Variants in KATNBL1 observed in about 807,000 individuals in gnomAD.
KATNBL1 encodes katanin regulatory subunit B1 like 1, also known as KATNB1-like protein 1.
KATNBL1 carries 28 observed loss-of-function variants against 44.7 expected under a neutral mutation model. The observed-to-expected ratio is 0.63, with a 90% CI of 0.46 to 0.86. The LOEUF (loss-of-function observed/expected upper bound fraction) is 0.86. KATNBL1 is among the 40% of genes least tolerant of loss of function. KATNBL1 has a pLI of 0.00. For missense variants in KATNBL1, 272 were observed against 350.7 expected (o/e 0.78, Z 1.79); for synonymous variants, 78 against 114.9 (o/e 0.68, Z 2.06).
chr15:34,186,335 G>T (rs963220685), intron 1 of KATNBL1, among the ~76,000 whole-genome samples: 18 of 152,202 alleles, frequency 1.2e-4, no homozygotes, highest in African/African-American at 3.9e-4. Context: ...TGCAGTTGTA[G>T]ACCCAGGTCT....
At chr15:34,209,828 C>G (rs928254248) in intron 1 of KATNBL1, 123 bp downstream of exon 1, 10 of 149,710 alleles carry the variant, frequency 6.7e-5, no homozygotes, top group Non-Finnish European at 1.5e-4. Flanking sequence ...CGAGCCCGGC[C>G]GAGCCGAGGC....
chr15:34,153,096 T>G (rs755642792), intron 3 of KATNBL1, 27 bp from the exon 4 acceptor site: 1 of 1,536,076 alleles, frequency 6.5e-7, no homozygotes, highest in Admixed American at 2.0e-5. Flanking sequence ...TTTTCTTAAA[T>G]GAAAAAGAAC....
chr15:34,195,287 C>T (rs1889998291), intron 1 of KATNBL1, among the ~76,000 whole-genome samples: 1 of 152,138 alleles, frequency 6.6e-6, no homozygotes, highest in Non-Finnish European at 1.5e-5. Flanking sequence ...GAAATAATGT[C>T]TTTTGTAGCA....
At chr15:34,173,063 C>T (rs927249169) in intron 1 of KATNBL1, among the ~76,000 whole-genome samples, 1 of 151,244 alleles carries the variant, frequency 6.6e-6, no homozygotes, top group African/African-American at 2.4e-5. Context: ...GTAAAAAACT[C>T]AACAGAAGTT....
intron 1 of KATNBL1, among the ~76,000 whole-genome samples, chr15:34,168,690 T>C (rs1169705764): frequency 6.6e-6 from 1 of 152,170 alleles, no homozygotes; most frequent in Non-Finnish European, 1.5e-5. Context: ...TAGTTGGAAG[T>C]AAAGCACTCC....
intron 4 of KATNBL1, 142 bp from the exon 5 acceptor site, chr15:34,148,892 A>C: frequency 1.8e-6 from 1 of 559,970 alleles, no homozygotes; most frequent in Non-Finnish European, 3.2e-6. Flanking sequence ...GGAATACTGC[A>C]GTTGACCACA....
chr15:34,143,966 CAAAA>C (rs61591705), intron 9 of KATNBL1, among the ~76,000 whole-genome samples: 9 of 66,404 alleles, frequency 1.4e-4, no homozygotes, highest in African/African-American at 6.3e-4. Context: ...GATTCCATCT[CAAAA>C]AAAAAAAAAA....
At chr15:34,201,557 TA>T (rs1890176639) in intron 1 of KATNBL1, among the ~76,000 whole-genome samples, 2 of 152,360 alleles carry the variant, frequency 1.3e-5, no homozygotes, top group African/African-American at 4.8e-5. Flanking sequence ...TAAATGGCTA[TA>T]AAACACCTGA....
intron 1 of KATNBL1, among the ~76,000 whole-genome samples, chr15:34,169,374 C>A (rs1174895606): frequency 6.6e-6 from 1 of 152,156 alleles, no homozygotes; most frequent in African/African-American, 2.4e-5. Flanking sequence ...CGTACACCCT[C>A]CCAAGACTAA....
At position 34,173,819 on chromosome 15, in the gene KATNBL1, G is replaced by A. The variant is rs1172540924; in HGVS notation, c.-14-10129C>T. Among the ~76,000 whole-genome samples the A allele has an allele frequency of 2.6e-5, 4 of 152,152 alleles. No individual in the cohort carries two copies. The South Asian group carries it at 8.3e-4, about 31-fold the overall frequency. On this transcript the variant is annotated intron_variant, in intron 1 of 9. Coordinates refer to ENST00000256544, the MANE Select transcript of KATNBL1 (RefSeq NM_024713.3). ...TTTTTCAAGTGCTATAAGAAAAGAA[G>A]TGTCAACCCAGAATCCTATGTTCAG...
chr15:34,155,287 C>T (rs993801403), intron 2 of KATNBL1, among the ~76,000 whole-genome samples: 1 of 152,094 alleles, frequency 6.6e-6, no homozygotes, highest in Non-Finnish European at 1.5e-5. Context: ...CATGTCTTGG[C>T]ATAGCTGTTC....
At chr15:34,163,037 A>T (rs1393857943) in intron 2 of KATNBL1, among the ~76,000 whole-genome samples, 6 of 132,512 alleles carry the variant, frequency 4.5e-5, no homozygotes, top group African/African-American at 1.6e-4. Context: ...CAGCATACTG[A>T]CTAAAAACTT....
At position 34,151,530 on chromosome 15, in the gene KATNBL1, C is replaced by T. The variant is rs1888477940; in HGVS notation, c.438+1260G>A. On this transcript the variant is annotated intron_variant, in intron 4 of 9. Transcript: ENST00000256544. ...GCAGTGACAAGATCTTGGCTCACTG[C>T]AACCTTTGCCTCCCGGGTTCAAGCA... 2.8e-5 allele frequency among the ~76,000 whole-genome samples: 4 copies of T among 142,768 alleles called. No homozygotes were observed. The Admixed American group carries it at 2.9e-4, about 10-fold the overall frequency. 93.7% of individuals were successfully genotyped at this position (142,768 alleles called of 152,430 possible).
chr15:34,181,856 C>CATATATATATCCAT (rs1212613554), intron 1 of KATNBL1, among the ~76,000 whole-genome samples: 5 of 18,714 alleles, frequency 2.7e-4, no homozygotes, highest in South Asian at 3.9e-3. Context: ...ATATATAGTC[C>CATATATATATCCAT]ATATATATAT....
chr15:34,204,277 G>C (rs1890239317), intron 1 of KATNBL1, among the ~76,000 whole-genome samples: 1 of 152,174 alleles, frequency 6.6e-6, no homozygotes, highest in African/African-American at 2.4e-5. Flanking sequence ...CCAGACTGAT[G>C]AACTGTTCAA....
At chr15:34,177,357 G>C (rs1267041551) in intron 1 of KATNBL1, among the ~76,000 whole-genome samples, 1 of 152,092 alleles carries the variant, frequency 6.6e-6, no homozygotes, top group Non-Finnish European at 1.5e-5. Context: ...GGATTAAACA[G>C]CTCTAGGCTG....
intron 1 of KATNBL1, among the ~76,000 whole-genome samples, chr15:34,204,365 T>C (rs1022887978): frequency 4.6e-5 from 7 of 152,206 alleles, no homozygotes; most frequent in Non-Finnish European, 1.0e-4. Context: ...TCACTAGATA[T>C]ACATATTTAA....
intron 5 of KATNBL1, 131 bp from the exon 6 acceptor site, chr15:34,147,561 C>A: frequency 1.8e-6 from 1 of 549,952 alleles, no homozygotes. Flanking sequence ...TGAGTCATGT[C>A]TGTGGATACA....
chr15:34,178,744 A>T (rs538524913), intron 1 of KATNBL1, among the ~76,000 whole-genome samples: 1 of 118,924 alleles, frequency 8.4e-6, no homozygotes, highest in Non-Finnish European at 1.8e-5. Flanking sequence ...CGACAGAGCA[A>T]GACTCTGTCT....
Sources: gnomAD v4.1 joint callset for allele counts (sites outside exome capture counted in the v4.1 genomes callset) on GRCh38, gnomAD v4.1.1 for gene constraint, MANE v1.5 for transcripts, NCBI Gene and HGNC (gene_info 2026-07-23, HGNC 2026-07-21) for gene names.